ANKS1A: variants seen among roughly 807,000 people sequenced by gnomAD.
ANKS1A encodes ankyrin repeat and sterile alpha motif domain containing 1A.
A neutral mutation model predicts 120.3 loss-of-function variants in ANKS1A; 55 were observed. That is an observed-to-expected ratio of 0.46 (90% confidence interval 0.37 to 0.57). The LOEUF (loss-of-function observed/expected upper bound fraction) is 0.57, where lower values mean the gene tolerates loss of function less well. Among genes scored for constraint, ANKS1A ranks in the 20% least tolerant of loss-of-function variants. ANKS1A has a pLI of 0.00. For missense variants in ANKS1A, 1,123 were observed against 1,480.3 expected, an observed-to-expected ratio of 0.76 and a Z score of 3.96; for synonymous variants, 590 against 604.7, an observed-to-expected ratio of 0.98 and a Z score of 0.36.
chr6:34,904,258 TA>T (rs1767523698), intron 1 of ANKS1A, among the ~76,000 whole-genome samples: 1 of 152,206 alleles, frequency 6.6e-6, no homozygotes, highest in Non-Finnish European at 1.5e-5. Flanking sequence ...ACATATTTTT[TA>T]GGGAACAATG....
intron 13 of ANKS1A, chr6:35,070,848 G>T: frequency 1.7e-6 from 1 of 587,442 alleles, no homozygotes; most frequent in Admixed American, 1.9e-5. Flanking sequence ...GTGTGTGTGC[G>T]CGCCAAAGAT....
rs553340145 is a variant in ANKS1A, at chr6:35,016,206, C to T, written c.1424-1267C>T. ...CCAGGACCAGAGCCAGATCTTCAGG[C>T]TTCTAGGTTGAAGTCTTCTCCTGCA... is the stretch of plus-strand genomic sequence containing the variant. On this transcript the variant is annotated intron_variant, in intron 10 of 23. Coordinates refer to ENST00000360359, the MANE Select transcript of ANKS1A (RefSeq NM_015245.3). 2.6e-5 allele frequency among the ~76,000 whole-genome samples: 4 copies of T among 152,352 alleles called. No homozygotes were observed. The South Asian group carries it at 8.3e-4, about 32-fold the overall frequency.
chr6:34,899,559 C>T (rs1767248213), intron 1 of ANKS1A, among the ~76,000 whole-genome samples: 2 of 152,074 alleles, frequency 1.3e-5, no homozygotes, highest in African/African-American at 4.8e-5. Flanking sequence ...TGCTATGTTG[C>T]CCAGTCTGGA....
chr6:34,940,940 C>T (rs1463455771), intron 1 of ANKS1A, among the ~76,000 whole-genome samples: 1 of 151,902 alleles, frequency 6.6e-6, no homozygotes, highest in East Asian at 1.9e-4. Flanking sequence ...AATATATCCT[C>T]ATGATAAAAA....
chr6:34,933,247 G>A (rs935666470), intron 1 of ANKS1A, among the ~76,000 whole-genome samples: 6 of 152,206 alleles, frequency 3.9e-5, no homozygotes, highest in East Asian at 1.9e-4. Context: ...ATTTATGTCC[G>A]TGATCATTCT....
intron 10 of ANKS1A, among the ~76,000 whole-genome samples, chr6:35,007,274 G>A (rs1773513253): frequency 6.6e-6 from 1 of 152,144 alleles, no homozygotes; most frequent in African/African-American, 2.4e-5. Flanking sequence ...AATGCCATTT[G>A]TGCCTATAGA....
chr6:34,914,901 G>A (rs568128484), intron 1 of ANKS1A, among the ~76,000 whole-genome samples: 1 of 152,188 alleles, frequency 6.6e-6, no homozygotes, highest in Non-Finnish European at 1.5e-5. Flanking sequence ...GAGCTTCTGG[G>A]AGCAGCAGTC....
rs1029925596 is a variant in ANKS1A at position 35,023,757 on chromosome 6, A to C, written c.2010+5698A>C. 6 of 333,652 alleles carry C rather than the reference A, an allele frequency of 1.8e-5. No individual in the cohort carries two copies. The East Asian group carries it at 4.7e-4, about 26-fold the overall frequency. The allele number at this position is 333,652 out of a possible 1,614,324, so 20.7% of individuals were successfully genotyped here. The stretch of plus-strand genomic sequence containing the variant: ...TCTTCTCCCAGAATATAGAGGCACC[A>C]AAGTAGTTCTAGGTGACAGGATTAT... On this transcript the variant is annotated intron_variant, in intron 11 of 23. Coordinates refer to ENST00000360359, the MANE Select transcript of ANKS1A (RefSeq NM_015245.3).
chr6:34,913,640 G>T (rs898640886), intron 1 of ANKS1A, among the ~76,000 whole-genome samples: 1 of 152,022 alleles, frequency 6.6e-6, no homozygotes, highest in Non-Finnish European at 1.5e-5. Context: ...TGTTGTTGTT[G>T]TTGTTGTTGT....
At chr6:34,948,259 C>A (rs148616603) in intron 1 of ANKS1A, among the ~76,000 whole-genome samples, 359 of 151,706 alleles carry the variant, frequency 2.4e-3, no homozygotes, top group African/African-American at 8.1e-3. Context: ...TATGTAGAAA[C>A]AACCATTTAA....
intron 1 of ANKS1A, among the ~76,000 whole-genome samples, chr6:34,954,949 C>T (rs1184994187): frequency 6.6e-6 from 1 of 152,132 alleles, no homozygotes; most frequent in Non-Finnish European, 1.5e-5. Flanking sequence ...TCTCTGTCCA[C>T]TGCCTCCCCC....
At chr6:35,078,236 A>C (rs1238428472) in intron 13 of ANKS1A, among the ~76,000 whole-genome samples, 3 of 152,170 alleles carry the variant, frequency 2.0e-5, no homozygotes. Flanking sequence ...TCTTGGATGC[A>C]TGGAACCTGC....
intron 11 of ANKS1A, among the ~76,000 whole-genome samples, chr6:35,031,792 A>C (rs1391194014): frequency 6.6e-6 from 1 of 152,206 alleles, no homozygotes; most frequent in Non-Finnish European, 1.5e-5. Context: ...CCTGGAGTGC[A>C]TGATTCACCA....
At position 35,078,552 on chromosome 6, in the gene ANKS1A, T is replaced by C; in HGVS notation, c.2185-6T>C. The C allele has an allele frequency of 6.2e-7, 1 of 1,611,100 alleles. No homozygotes were observed. Among genetic ancestry groups the C allele is most frequent in the Admixed American group, 1.7e-5 (1 of 60,010 alleles). ...GGGGCCCTGACATCCACCTTTCTGC[T>C]CTCAGGGGTCTAATGTGATGGAAGA... On this transcript the variant is annotated splice_region_variant and splice_polypyrimidine_tract_variant and intron_variant, in intron 13 of 23. Coordinates refer to ENST00000360359, the MANE Select transcript of ANKS1A (RefSeq NM_015245.3).
At chr6:34,983,016 C>A in intron 5 of ANKS1A, 97 bp from the exon 6 acceptor site, 1 of 1,325,236 alleles carries the variant, frequency 7.5e-7, no homozygotes, top group Non-Finnish European at 1.1e-6. Flanking sequence ...AAATGTTGGC[C>A]ATGCTGCTGA....
intron 11 of ANKS1A, among the ~76,000 whole-genome samples, chr6:35,046,111 C>T (rs1238539425): frequency 6.6e-6 from 1 of 152,198 alleles, no homozygotes; most frequent in Non-Finnish European, 1.5e-5. Flanking sequence ...GCTAAAGGAA[C>T]TCACAGATGT....
chr6:35,022,356 T>G (rs1774387163), intron 11 of ANKS1A, among the ~76,000 whole-genome samples: 1 of 152,202 alleles, frequency 6.6e-6, no homozygotes, highest in Non-Finnish European at 1.5e-5. Flanking sequence ...GCTAATAGAT[T>G]TGGGAGTCAT....
intron 1 of ANKS1A, among the ~76,000 whole-genome samples, chr6:34,909,238 C>T (rs898846000): frequency 3.9e-5 from 6 of 152,214 alleles, no homozygotes; most frequent in African/African-American, 1.2e-4. Context: ...CTACACTAGA[C>T]ACATTCCCAG....
intron 10 of ANKS1A, 67 bp downstream of exon 10, chr6:34,994,489 G>C: frequency 6.3e-7 from 1 of 1,576,292 alleles, no homozygotes; most frequent in Non-Finnish European, 8.6e-7. Flanking sequence ...GATCCTGAGT[G>C]GAAGGGGAAG....
Sources: gnomAD v4.1 joint callset for allele counts (sites outside exome capture counted in the v4.1 genomes callset) on GRCh38, gnomAD v4.1.1 for gene constraint, MANE v1.5 for transcripts, NCBI Gene and HGNC (gene_info 2026-07-23, HGNC 2026-07-21) for gene names.